TRAPPC9: variants seen among roughly 807,000 people sequenced by gnomAD.
TRAPPC9 encodes trafficking protein particle complex subunit 9, also known as IKK2 binding protein.
In TRAPPC9, 83 loss-of-function variants were observed where a neutral mutation model predicts 124.0. The ratio of observed to expected loss-of-function variants is 0.67; its 90% CI spans 0.56 to 0.80. The LOEUF is 0.80. Among genes scored for constraint, TRAPPC9 ranks in the 30% least tolerant of loss-of-function variants. The pLI is 0.00. For missense variants in TRAPPC9, 1,302 were observed against 1,508.3 expected (o/e 0.86, Z 2.27); for synonymous variants, 638 against 617.5 (o/e 1.03, Z -0.49).
At chr8:139,874,102 A>T (rs550704711) in intron 21 of TRAPPC9, among the ~76,000 whole-genome samples, 1 of 152,344 alleles carries the variant, frequency 6.6e-6, no homozygotes, top group South Asian at 2.1e-4. Context: ...CTGGGAATGG[A>T]TCCTTGGGAA....
intron 2 of TRAPPC9, among the ~76,000 whole-genome samples, chr8:140,446,464 A>T: frequency 6.6e-6 from 1 of 152,178 alleles, no homozygotes; most frequent in East Asian, 1.9e-4. Context: ...TGTCTGCAAG[A>T]TCCAAGTGAA....
intron 19 of TRAPPC9, among the ~76,000 whole-genome samples, chr8:139,944,960 TA>T (rs1408402987): frequency 6.6e-6 from 1 of 152,028 alleles, no homozygotes; most frequent in Non-Finnish European, 1.5e-5. Context: ...CTGTCTCTAC[TA>T]AAAATACAAA....
At chr8:140,443,897 G>T (rs369449585) in intron 2 of TRAPPC9, among the ~76,000 whole-genome samples, 1 of 151,804 alleles carries the variant, frequency 6.6e-6, no homozygotes, top group South Asian at 2.1e-4. Flanking sequence ...TTAGCCAGGC[G>T]TGGTGGCGGG....
intron 19 of TRAPPC9, among the ~76,000 whole-genome samples, chr8:139,959,045 C>CCTGCATTCCGAGTCACACGGGGGAGCA (rs1835202808): frequency 7.2e-6 from 1 of 139,014 alleles, no homozygotes; most frequent in African/African-American, 2.8e-5. Flanking sequence ...ACGGGGGAGC[C>CCTGCATTCCGAGTCACACGGGGGAGCA]CTGCATTCCG....
At position 139,989,579 on chromosome 8, in the gene TRAPPC9, C is replaced by T. The variant is rs548894685; in HGVS notation, c.2700-743G>A. On this transcript the variant is annotated intron_variant, in intron 18 of 22. Coordinates refer to ENST00000438773, the MANE Select transcript of TRAPPC9 (RefSeq NM_001160372.4). ...TCCTGGGAGAAGGCTTTTAGCCTTC[C>T]GCCTTCCTCATTCCCCTTCCTTTCT... Among the ~76,000 whole-genome samples, 128 of 152,330 alleles carry T rather than the reference C, an allele frequency of 8.4e-4. 2 individuals carry two copies. The highest frequency in any genetic ancestry group is 2.9e-3 in the African/African-American group (121 of 41,572).
At chr8:140,210,543 G>A (rs35432576) in intron 17 of TRAPPC9, among the ~76,000 whole-genome samples, 2,023 of 149,782 alleles carry the variant, frequency 0.014, 25 homozygotes, top group Non-Finnish European at 0.021. Flanking sequence ...GTCCCCCCAC[G>A]CCCCCGCTAG....
At chr8:139,979,585 C>A (rs539873268) in intron 19 of TRAPPC9, among the ~76,000 whole-genome samples, 1 of 152,024 alleles carries the variant, frequency 6.6e-6, no homozygotes, top group Non-Finnish European at 1.5e-5. Context: ...GGGACAGGCA[C>A]CCCTCTTTAG....
At chr8:140,103,109 G>A (rs556811737) in intron 17 of TRAPPC9, among the ~76,000 whole-genome samples, 7 of 152,332 alleles carry the variant, frequency 4.6e-5, no homozygotes, top group East Asian at 1.9e-4. Flanking sequence ...CGAGAGGACC[G>A]AGGGATGGGA....
At chr8:140,354,417 C>T (rs986041865) in intron 9 of TRAPPC9, among the ~76,000 whole-genome samples, 1 of 152,222 alleles carries the variant, frequency 6.6e-6, no homozygotes, top group Admixed American at 6.5e-5. Flanking sequence ...CAGGGTAGTA[C>T]ATCATCTTGT....
chr8:139,945,158 C>CA (rs1301703483), intron 19 of TRAPPC9, among the ~76,000 whole-genome samples: 3 of 151,580 alleles, frequency 2.0e-5, no homozygotes, highest in African/African-American at 7.3e-5. Context: ...AATAGTAAAA[C>CA]AAAAAAATAA....
chr8:139,883,445 G>A (rs1033170699), intron 21 of TRAPPC9, among the ~76,000 whole-genome samples: 3 of 152,252 alleles, frequency 2.0e-5, no homozygotes, highest in African/African-American at 7.2e-5. Context: ...GCAGGGGGCT[G>A]AGCCTAGCCT....
intron 6 of TRAPPC9, among the ~76,000 whole-genome samples, chr8:140,404,636 T>C (rs2069406414): frequency 6.6e-6 from 1 of 152,202 alleles, no homozygotes; most frequent in South Asian, 2.1e-4. Flanking sequence ...AATAACATAC[T>C]ATGATCCCAT....
chr8:139,731,842 G>GTGCACACTGAGTCTGAGTC, intron 22 of TRAPPC9, 137 bp downstream of exon 22: 1 of 806,186 alleles, frequency 1.2e-6, no homozygotes, highest in Non-Finnish European at 2.1e-6. Flanking sequence ...CAGACTCAGT[G>GTGCACACTGAGTCTGAGTC]TGCACACGTG....
intron 17 of TRAPPC9, among the ~76,000 whole-genome samples, chr8:140,168,848 T>C (rs1167252511): frequency 6.6e-6 from 1 of 152,218 alleles, no homozygotes; most frequent in Non-Finnish European, 1.5e-5. Flanking sequence ...CTTTTATGCA[T>C]TGAATAGTTA....
intron 21 of TRAPPC9, among the ~76,000 whole-genome samples, chr8:139,819,083 T>C (rs1415486544): frequency 6.6e-6 from 1 of 152,188 alleles, no homozygotes. Flanking sequence ...CCCCACATCG[T>C]TTGTATTCCT....
intron 15 of TRAPPC9, among the ~76,000 whole-genome samples, chr8:140,268,254 G>A (rs2064753935): frequency 8.8e-6 from 1 of 113,678 alleles, no homozygotes; most frequent in African/African-American, 3.8e-5. Flanking sequence ...GTCCTATACT[G>A]TCTCTGCTCC....
At chr8:140,024,230 G>T in intron 17 of TRAPPC9, 151 bp from the exon 18 acceptor site, 1 of 1,007,034 alleles carries the variant, frequency 9.9e-7, no homozygotes, top group Non-Finnish European at 1.5e-6. Flanking sequence ...AACCCCGGCG[G>T]GTACCGACTC....
intron 17 of TRAPPC9, among the ~76,000 whole-genome samples, chr8:140,186,860 T>A (rs1481479361): frequency 1.3e-5 from 2 of 152,168 alleles, no homozygotes; most frequent in African/African-American, 4.8e-5. Context: ...AACCCAACAT[T>A]GCAAAATCTT....
intron 15 of TRAPPC9, among the ~76,000 whole-genome samples, chr8:140,268,206 A>G (rs76014879): frequency 1.8e-4 from 16 of 88,174 alleles, no homozygotes; most frequent in South Asian, 5.7e-4. Flanking sequence ...CCACAACCAA[A>G]TCCTATACTT....
Sources: gnomAD v4.1 joint callset for allele counts (sites outside exome capture counted in the v4.1 genomes callset) on GRCh38, gnomAD v4.1.1 for gene constraint, MANE v1.5 for transcripts, NCBI Gene and HGNC (gene_info 2026-07-23, HGNC 2026-07-21) for gene names.